MYO1F: variants seen among roughly 807,000 people sequenced by gnomAD.
MYO1F encodes the protein unconventional myosin-If.
Under a neutral mutation model 146.6 loss-of-function variants are expected in MYO1F, and 60 were observed. The observed-to-expected ratio is 0.41, with a 90% confidence interval of 0.33 to 0.51. The LOEUF (loss-of-function observed/expected upper bound fraction) is 0.51, where lower values mean the gene tolerates loss of function less well. MYO1F is among the 20% of genes least tolerant of loss of function. The probability of loss-of-function intolerance (pLI) is 0.25; values close to 1 mark genes in which losing one functional copy is unlikely to be tolerated. For synonymous variants in MYO1F, 602 were observed against 602.1 expected (o/e 1.00, Z 0.00); for missense variants, 1,274 against 1,534.3 (o/e 0.83, Z 2.83).
At chr19:8,541,422 TG>T (rs1364503109) in intron 15 of MYO1F, among the ~76,000 whole-genome samples, 1,819 of 131,368 alleles carry the variant, frequency 0.014, 35 homozygotes, top group African/African-American at 0.052. Flanking sequence ...TGTGTGTGTG[TG>T]TGTTTTTTTT....
At position 8,521,176 on chromosome 19, in the gene MYO1F, A is replaced by AC. The variant is rs34276116; in HGVS notation, c.*351dup. On this transcript the variant is annotated 3_prime_UTR_variant, in exon 28 of 28. Coordinates refer to ENST00000644032, the MANE Select transcript of MYO1F (RefSeq NM_012335.4). ...ATGAGCAAAGTCACGCTTGTTAAGG[A>AC]CCCCCCCCTCCCCAACTGTGCCTGG... The AC allele has an allele frequency of 8.3e-3, 3,075 of 372,486 alleles. 83 individuals are homozygous for AC. In the East Asian group the frequency reaches 0.086, roughly 10 times the overall value. The allele number at this position is 372,486 out of a possible 1,614,324, so 23.1% of individuals were successfully genotyped here. A position where few individuals can be genotyped will look rare whatever the true frequency, so the allele number is the denominator to read the frequency against.
At chr19:8,541,649 A>C (rs1326948446) in intron 15 of MYO1F, 1 of 503,140 alleles carries the variant, frequency 2.0e-6, no homozygotes, top group Non-Finnish European at 3.6e-6. Flanking sequence ...GGCTGGTCTC[A>C]AACTCTTGGC....
At chr19:8,531,289 G>A (rs1268545766) in intron 19 of MYO1F, among the ~76,000 whole-genome samples, 1 of 152,168 alleles carries the variant, frequency 6.6e-6, no homozygotes, top group Non-Finnish European at 1.5e-5. Flanking sequence ...GGAGGTTGCG[G>A]TGAGCTGAGA....
At chr19:8,546,489 A>G (rs1211379240) in intron 12 of MYO1F, among the ~76,000 whole-genome samples, 3 of 151,688 alleles carry the variant, frequency 2.0e-5, no homozygotes, top group African/African-American at 7.3e-5. Flanking sequence ...CCTTCCGAGT[A>G]GCTGGGACCG....
chr19:8,526,423 C>G lies in MYO1F; in HGVS notation c.2770+30G>C, dbSNP rs554701128. 3 of 1,549,604 alleles carry G rather than the reference C, an allele frequency of 1.9e-6. No homozygotes were observed. In the Admixed American group the frequency reaches 5.9e-5, roughly 30 times the overall value. ...TCTTAACCAGCCTCGCTGGCCCCGC[C>G]CCCTCTGCCCTAGTTCCGCGCAGAC... On this transcript the variant is annotated intron_variant, in intron 24 of 27. Coordinates refer to ENST00000644032, the MANE Select transcript of MYO1F (RefSeq NM_012335.4).
chr19:8,539,260 C>T (rs908060093), intron 16 of MYO1F, among the ~76,000 whole-genome samples: 2 of 151,762 alleles, frequency 1.3e-5, no homozygotes, highest in Non-Finnish European at 2.9e-5. Flanking sequence ...ACTGAAAATA[C>T]AAAATTAGCC....
chr19:8,553,235 C>T lies in MYO1F; in HGVS notation c.415-7G>A, dbSNP rs763652678. On this transcript the variant is annotated splice_region_variant and splice_polypyrimidine_tract_variant and intron_variant, in intron 5 of 27. Transcript: ENST00000644032. ...GGATGATATCTTTGACGTGCTGGGG[C>T]AGAGGCAGGTGGAGTGGGAAGAAGT... 3 of 1,614,102 alleles carry T rather than the reference C, an allele frequency of 1.9e-6. No homozygotes were observed. The highest frequency in any genetic ancestry group is 2.2e-5 in the South Asian group (2 of 91,088).
intron 1 of MYO1F, among the ~76,000 whole-genome samples, chr19:8,556,496 A>AAGAAAGAAAGAGAAAGAAAG (rs140843881): frequency 7.1e-6 from 1 of 141,656 alleles, no homozygotes; most frequent in African/African-American, 2.9e-5. Context: ...GAAAGAAAGA[A>AAGAAAGAAAGAGAAAGAAAG]AGAAAGAAAG....
intron 25 of MYO1F, 48 bp from the exon 26 acceptor site, chr19:8,522,877 G>A (rs1263582909): frequency 6.7e-7 from 1 of 1,496,164 alleles, no homozygotes. Flanking sequence ...GATGCTAGGA[G>A]GATTTGAGGA....
At chr19:8,556,218 T>C (rs947562016) in intron 1 of MYO1F, among the ~76,000 whole-genome samples, 10 of 150,982 alleles carry the variant, frequency 6.6e-5, no homozygotes, top group Non-Finnish European at 1.5e-5. Flanking sequence ...TTGGTAGAGA[T>C]GGGGTTTCAC....
Position 8,536,315 on chromosome 19 carries a change from G to C in MYO1F, c.1980C>G (p.Val660=). ...TCTGGTACTGGTCGGGCTCCATGTT[G>C]ACCGCCCGAAGCAGGTGCTGGACGC... is the stretch of plus-strand genomic sequence containing the variant. ...RQGVQHLLRA[V]NMEPDQYQMG... The change falls in exon 19 of 28, where the codon GTC becomes GTG. Residue 660 remains valine (V), a synonymous_variant. Coordinates refer to ENST00000644032, the MANE Select transcript of MYO1F (RefSeq NM_012335.4). 6.2e-7 allele frequency: 1 copy of C among 1,607,968 alleles called. No homozygotes were observed. The highest frequency in any genetic ancestry group is 8.5e-7 in the Non-Finnish European group (1 of 1,179,922).
chr19:8,545,624 C>T (rs1973313532), intron 13 of MYO1F, 26 bp downstream of exon 13: 1 of 1,597,452 alleles, frequency 6.3e-7, no homozygotes, highest in East Asian at 2.2e-5. Flanking sequence ...GTGAGACGCC[C>T]CCGCCAAAGT....
chr19:8,546,644 G>A (rs1233215066), intron 12 of MYO1F, among the ~76,000 whole-genome samples: 1 of 151,900 alleles, frequency 6.6e-6, no homozygotes, highest in Non-Finnish European at 1.5e-5. Context: ...ATAGGTGTGA[G>A]TGATTGTGTC....
chr19:8,548,405 A>T (rs568261351), intron 10 of MYO1F, 88 bp from the exon 11 acceptor site: 1 of 1,223,994 alleles, frequency 8.2e-7, no homozygotes, highest in Non-Finnish European at 1.2e-6. Flanking sequence ...CGCCTAGCCA[A>T]CTTCATGGGT....
At chr19:8,522,321 C>G in intron 27 of MYO1F, 56 bp downstream of exon 27, 1 of 1,610,404 alleles carries the variant, frequency 6.2e-7, no homozygotes, top group Non-Finnish European at 8.5e-7. Context: ...CGCGCCCGGC[C>G]GATGTCAGGG....
In MYO1F at chr19:8,522,669, T is replaced by C. The variant is rs73922133; in HGVS notation, c.3015A>G (p.Thr1005=). 8,384 of 1,613,852 alleles carry C rather than the reference T, an allele frequency of 5.2e-3. 380 individuals carry two copies. In the African/African-American group the frequency reaches 0.097, roughly 19 times the overall value. The stretch of plus-strand genomic sequence containing the variant: ...CCTGGTCAGGCACGTTGAGGAATTC[T>C]GTGTTGTGCTCTGAGGGCGGACGTG... ...PRARPPSEHN[T]EFLNVPDQGM... The change falls in exon 26 of 28, where the codon ACA becomes ACG. Residue 1005 remains threonine, a synonymous_variant. Transcript: ENST00000644032.
rs763597561 is a variant in MYO1F at position 8,537,044 on chromosome 19, G to A, written c.1704C>T (p.Asn568=). ...TAGSKIKKQA[N]DLVATLMRCT... ...ACCTCATCAGTGTGGCCACCAGGTCGTTGGCTTGTTTCTGAGGCAGAAGTG... is the reference window on the plus strand; with the variant it reads ...ACCTCATCAGTGTGGCCACCAGGTCATTGGCTTGTTTCTGAGGCAGAAGTG... Residue 568 remains asparagine (N), a synonymous_variant, in exon 17 of 28, where the codon AAC becomes AAT. Coordinates refer to ENST00000644032, the MANE Select transcript of MYO1F (RefSeq NM_012335.4). 10 of 1,611,704 alleles carry A rather than the reference G, an allele frequency of 6.2e-6. No individual in the cohort carries two copies. Among genetic ancestry groups the A allele is most frequent in the East Asian group, 2.2e-5 (1 of 44,800 alleles).
chr19:8,560,319 C>G (rs933243727), intron 1 of MYO1F, among the ~76,000 whole-genome samples: 2 of 151,606 alleles, frequency 1.3e-5, no homozygotes, highest in African/African-American at 2.4e-5. Context: ...CCCATCTCTA[C>G]TAAAAATACA....
In MYO1F at chr19:8,525,537, C is replaced by G. The variant is rs779938821; in HGVS notation, c.2796G>C (p.Lys932Asn). 7 of 1,613,594 alleles carry G rather than the reference C, an allele frequency of 4.3e-6. No individual in the cohort carries two copies. Among genetic ancestry groups the G allele is most frequent in the Non-Finnish European group, 5.9e-6 (7 of 1,179,958 alleles). The stretch of plus-strand genomic sequence containing the variant: ...CTTGGGACGACCTCCGAGGTTTTCC[C>G]TTGGCCATTCCCTTCCGCGTAGGCT... ...SSKPTRKGMAKGKPRRSSQAP... is the reference protein window; with the variant it reads ...SSKPTRKGMANGKPRRSSQAP... Residue 932 changes from lysine to asparagine, a missense_variant, in exon 25 of 28, where the codon AAG (lysine) becomes AAC (asparagine). Coordinates refer to ENST00000644032, the MANE Select transcript of MYO1F (RefSeq NM_012335.4).
Sources: allele counts gnomAD v4.1 joint callset (sites outside exome capture counted in the v4.1 genomes callset), GRCh38; gene constraint gnomAD v4.1.1; transcripts MANE v1.5; gene names NCBI Gene and HGNC (gene_info 2026-07-23, HGNC 2026-07-21).